Variants in ACOT12 observed in about 807,000 individuals in gnomAD.
ACOT12 encodes acetyl-coenzyme A thioesterase.
In ACOT12, 51 loss-of-function variants were observed where a neutral mutation model predicts 67.7. The observed-to-expected ratio is 0.75, with a 90% CI of 0.60 to 0.95. The LOEUF is 0.95. Ranked by LOEUF, ACOT12 falls within the 40% of genes least tolerant of loss-of-function variation. The pLI is 0.00. For synonymous variants in ACOT12, 251 were observed against 244.6 expected (o/e 1.03, Z -0.24); for missense variants, 734 against 708.1 (o/e 1.04, Z -0.41).
the ACOT12 span, among the ~76,000 whole-genome samples, chr5:81,314,361 C>T: frequency 6.6e-6 from 1 of 152,160 alleles, no homozygotes; most frequent in Non-Finnish European, 1.5e-5. Context: ...CCTCGGCCTC[C>T]CAAAGTGCTG....
At position 81,332,530 on chromosome 5, in the gene ACOT12, G is replaced by A; in HGVS notation, c.1338C>T (p.Asp446=). The A allele has an allele frequency of 6.2e-7, 1 of 1,614,054 alleles. No individual in the cohort carries two copies. Among genetic ancestry groups the A allele is most frequent in the South Asian group, 1.1e-5 (1 of 91,080 alleles). Residue 446 remains aspartate, a synonymous_variant, in exon 13 of 15, where the codon GAC becomes GAT. Transcript: ENST00000307624. ...YHITCPILND[D]KPKDLVVLVS... The stretch of plus-strand genomic sequence containing the variant: ...CGAGTACTACCAAGTCTTTGGGTTT[G>A]TCATCATTCAGTATAGGACAGGTGA...
intron 3 of ACOT12, among the ~76,000 whole-genome samples, chr5:81,365,754 G>A (rs952040972): frequency 5.3e-4 from 80 of 152,274 alleles, no homozygotes; most frequent in African/African-American, 1.8e-3. Context: ...GAAAAACAAC[G>A]AGAGCACTGC....
chr5:81,345,055 T>C lies in ACOT12; in HGVS notation c.774-14A>G, dbSNP rs2153849101. ...CCAACTTCAACACTGTGAAGGGTGA[T>C]GCAGGGCGGTGGGCAAAGAGGATCT... is the stretch of plus-strand genomic sequence containing the variant. On this transcript the variant is annotated splice_polypyrimidine_tract_variant and intron_variant, in intron 7 of 14. Transcript: ENST00000307624. 1.2e-6 allele frequency: 2 copies of C among 1,613,590 alleles called. No homozygotes were observed. The highest frequency in any genetic ancestry group is 1.7e-5 in the Admixed American group (1 of 60,012).
the ACOT12 span, among the ~76,000 whole-genome samples, chr5:81,315,033 CTCT>C: frequency 6.6e-6 from 1 of 152,178 alleles, no homozygotes; most frequent in Non-Finnish European, 1.5e-5. Flanking sequence ...TAAATTTCAT[CTCT>C]TCTTACAAAC....
At chr5:81,382,958 AG>A (rs1425732676) in intron 2 of ACOT12, among the ~76,000 whole-genome samples, 1 of 152,218 alleles carries the variant, frequency 6.6e-6, no homozygotes, top group East Asian at 1.9e-4. Flanking sequence ...GTTTCCCTCT[AG>A]AGAAGTATTT....
At position 81,343,941 on chromosome 5, in the gene ACOT12, A is replaced by C; in HGVS notation, c.981-60T>G. 4.1e-6 allele frequency: 6 copies of C among 1,448,260 alleles called. No homozygotes were observed. The South Asian group carries it at 7.1e-5, about 17-fold the overall frequency. The allele number at this position is 1,448,260 out of a possible 1,614,324, so 89.7% of individuals were successfully genotyped here. ...TTTTTCTCTGCATTTAGCACACAAC[A>C]ATAACCATAATACTTTCTTGAACTT... On this transcript the variant is annotated intron_variant, in intron 9 of 14. Transcript: ENST00000307624.
chr5:81,390,162 A>C lies in ACOT12; in HGVS notation c.127+3826T>G, dbSNP rs1306643998. ...TTTTTGGTAGAGACAGGATCTCTCT[A>C]TGTTGCCCAGGCTGGTCTCAAGTTC... On this transcript the variant is annotated intron_variant, in intron 1 of 14. Coordinates refer to ENST00000307624, the MANE Select transcript of ACOT12 (RefSeq NM_130767.3). Among the ~76,000 whole-genome samples the C allele has an allele frequency of 2.0e-5, 3 of 150,884 alleles. 1 individual carries two copies. The highest frequency in any genetic ancestry group is 7.3e-5 in the African/African-American group (3 of 40,968).
intron 13 of ACOT12, among the ~76,000 whole-genome samples, chr5:81,331,992 G>A (rs572589331): frequency 6.6e-6 from 1 of 152,290 alleles, no homozygotes; most frequent in South Asian, 2.1e-4. Context: ...ACTCATATGT[G>A]TGTGGGATTA....
At chr5:81,351,499 G>A in intron 5 of ACOT12, among the ~76,000 whole-genome samples, 1 of 152,140 alleles carries the variant, frequency 6.6e-6, no homozygotes, top group Non-Finnish European at 1.5e-5. Context: ...AACATACATT[G>A]GGGAAAGGAC....
intron 11 of ACOT12, among the ~76,000 whole-genome samples, chr5:81,341,441 A>T (rs1245240259): frequency 6.6e-6 from 1 of 152,268 alleles, no homozygotes; most frequent in Non-Finnish European, 1.5e-5. Flanking sequence ...TTTATCATCC[A>T]AACTGGAACA....
intron 7 of ACOT12, 82 bp from the exon 8 acceptor site, chr5:81,345,123 C>T (rs1381985436): frequency 1.0e-5 from 8 of 803,146 alleles, no homozygotes; most frequent in Non-Finnish European, 1.1e-5. Context: ...CACCTCCTCG[C>T]CCACCGCTGC....
At chr5:81,325,880 G>A (rs1425603146), downstream of ACOT12, among the ~76,000 whole-genome samples, 1 of 152,044 alleles carries the variant, frequency 6.6e-6, no homozygotes, top group East Asian at 1.9e-4. Flanking sequence ...GCATGATCAT[G>A]GCTCACTGCA....
intron 4 of ACOT12, among the ~76,000 whole-genome samples, chr5:81,360,721 G>A (rs1759878443): frequency 6.6e-6 from 1 of 152,102 alleles, no homozygotes; most frequent in East Asian, 1.9e-4. Flanking sequence ...TTGTTTCCAA[G>A]ATACTCAAAG....
chr5:81,309,205 A>C, the ACOT12 span: 4 of 486,954 alleles, frequency 8.2e-6, no homozygotes, highest in Non-Finnish European at 1.4e-5. Flanking sequence ...TTTTTGTGCA[A>C]TTTGACTTCA....
At chr5:81,372,012 G>A (rs1760269583) in intron 2 of ACOT12, among the ~76,000 whole-genome samples, 2 of 152,134 alleles carry the variant, frequency 1.3e-5, no homozygotes, top group African/African-American at 2.4e-5. Context: ...CCACACTTAT[G>A]GTGTTAGCGG....
At chr5:81,348,055 T>A in intron 5 of ACOT12, 125 bp from the exon 6 acceptor site, 1 of 1,045,908 alleles carries the variant, frequency 9.6e-7, no homozygotes, top group Non-Finnish European at 1.4e-6. Flanking sequence ...CTCAAAGCCT[T>A]AAGACTGAGA....
intron 2 of ACOT12, among the ~76,000 whole-genome samples, chr5:81,382,926 G>C (rs192208873): frequency 1.6e-3 from 243 of 152,098 alleles, no homozygotes; most frequent in Non-Finnish European, 3.1e-3. Flanking sequence ...TTTTCCTCAG[G>C]ATACTCAGGT....
chr5:81,348,574 C>T (rs1759455099), intron 5 of ACOT12, among the ~76,000 whole-genome samples: 1 of 152,010 alleles, frequency 6.6e-6, no homozygotes, highest in African/African-American at 2.4e-5. Flanking sequence ...CTTCTGCTCT[C>T]TCTTTTTTTT....
chr5:81,393,679 C>G lies in ACOT12; in HGVS notation c.127+309G>C, dbSNP rs575537805. On this transcript the variant is annotated intron_variant, in intron 1 of 14. Transcript: ENST00000307624. Reference sequence around the variant, plus strand: ...CTGCAGCGACCTCTGATGGCGCCACCGCTCTCCAGCCCGGGAGAGAGCTCA... The same window carrying G: ...CTGCAGCGACCTCTGATGGCGCCACGGCTCTCCAGCCCGGGAGAGAGCTCA... Among the ~76,000 whole-genome samples, 4 of 152,044 alleles carry G rather than the reference C, an allele frequency of 2.6e-5. No individual in the cohort carries two copies. The South Asian group carries it at 8.3e-4, about 32-fold the overall frequency.
Sources: gnomAD v4.1 joint callset for allele counts (sites outside exome capture counted in the v4.1 genomes callset) on GRCh38, gnomAD v4.1.1 for gene constraint, MANE v1.5 for transcripts, NCBI Gene and HGNC (gene_info 2026-07-23, HGNC 2026-07-21) for gene names.